Variants in CARMIL1 observed in about 807,000 individuals in gnomAD.
CARMIL1 encodes F-actin-uncapping protein LRRC16A.
CARMIL1 carries 90 observed loss-of-function variants against 177.1 expected under a neutral mutation model. That is an observed-to-expected ratio of 0.51 (90% confidence interval 0.43 to 0.61). CARMIL1 has a LOEUF of 0.61. Ranked by LOEUF, CARMIL1 falls within the 20% of genes least tolerant of loss-of-function variation. The pLI, the probability that CARMIL1 is intolerant of heterozygous loss-of-function variation, is 0.00. For missense variants in CARMIL1, 1,380 were observed against 1,667.0 expected, an observed-to-expected ratio of 0.83 and a Z score of 3.00; for synonymous variants, 577 against 606.2, an observed-to-expected ratio of 0.95 and a Z score of 0.71.
intron 29 of CARMIL1, among the ~76,000 whole-genome samples, chr6:25,572,645 A>G (rs1241796594): frequency 2.7e-5 from 4 of 148,438 alleles, no homozygotes; most frequent in Non-Finnish European, 4.5e-5. Flanking sequence ...AGGTTGGACA[A>G]TGAGCCAAGA....
intron 2 of CARMIL1, among the ~76,000 whole-genome samples, chr6:25,388,670 T>A (rs567882309): frequency 1.3e-5 from 2 of 152,198 alleles, no homozygotes; most frequent in Admixed American, 6.5e-5. Flanking sequence ...GGCCTTTTTT[T>A]ATTTTATTTT....
chr6:25,447,222 G>A (rs574919663), intron 5 of CARMIL1, among the ~76,000 whole-genome samples: 5 of 152,252 alleles, frequency 3.3e-5, no homozygotes, highest in South Asian at 4.2e-4. Context: ...ATAAAATGAG[G>A]TATGTCGGAA....
intron 2 of CARMIL1, among the ~76,000 whole-genome samples, chr6:25,360,088 G>T (rs1301549744): frequency 6.6e-6 from 1 of 152,140 alleles, no homozygotes; most frequent in Non-Finnish European, 1.5e-5. Context: ...CAGCCTCCCG[G>T]AGGGGTGGGG....
intron 8 of CARMIL1, among the ~76,000 whole-genome samples, chr6:25,464,113 C>T (rs918365092): frequency 3.9e-5 from 6 of 152,066 alleles, no homozygotes; most frequent in South Asian, 2.1e-4. Flanking sequence ...TGAGCCACTG[C>T]GCCCGGCCAG....
chr6:25,418,555 A>G (rs1192066299), intron 2 of CARMIL1, among the ~76,000 whole-genome samples: 5 of 151,570 alleles, frequency 3.3e-5, no homozygotes, highest in African/African-American at 9.7e-5. Context: ...GGTGTAAAAA[A>G]AAAAAAAGAT....
At chr6:25,568,309 AAAAGGTAAAGT>A (rs1811744780) in intron 29 of CARMIL1, among the ~76,000 whole-genome samples, 2 of 152,230 alleles carry the variant, frequency 1.3e-5, no homozygotes, top group African/African-American at 4.8e-5. Context: ...ATAGAAATTA[AAAAGGTAAAGT>A]GGGGTGAACA....
intron 2 of CARMIL1, among the ~76,000 whole-genome samples, chr6:25,378,530 A>G (rs6906187): frequency 0.054 from 8,221 of 152,242 alleles, 679 homozygotes; most frequent in African/African-American, 0.18. Flanking sequence ...CCTGTGAGGT[A>G]GGATCAGCAG....
At chr6:25,411,995 C>A (rs1001714318) in intron 2 of CARMIL1, among the ~76,000 whole-genome samples, 6 of 151,908 alleles carry the variant, frequency 3.9e-5, no homozygotes, top group African/African-American at 7.3e-5. Context: ...TCCAACCAAA[C>A]CTCTTATTTT....
intron 2 of CARMIL1, among the ~76,000 whole-genome samples, chr6:25,310,563 C>T (rs1019172780): frequency 2.6e-5 from 4 of 152,070 alleles, no homozygotes; most frequent in East Asian, 1.9e-4. Flanking sequence ...CAAATTGTGA[C>T]GTAAGAAGTA....
At chr6:25,435,018 C>T (rs1797107824) in intron 4 of CARMIL1, among the ~76,000 whole-genome samples, 2 of 152,192 alleles carry the variant, frequency 1.3e-5, no homozygotes, top group Non-Finnish European at 2.9e-5. Flanking sequence ...CATACTTACA[C>T]TACATAGCAG....
intron 35 of CARMIL1, among the ~76,000 whole-genome samples, chr6:25,608,140 T>G (rs1211721161): frequency 6.6e-6 from 1 of 152,234 alleles, no homozygotes; most frequent in African/African-American, 2.4e-5. Flanking sequence ...ATAGTTCTTA[T>G]AGAATGAATC....
chr6:25,418,782 T>C (rs537572319), intron 2 of CARMIL1, among the ~76,000 whole-genome samples: 25 of 152,246 alleles, frequency 1.6e-4, no homozygotes, highest in Admixed American at 4.6e-4. Context: ...TAAAAATTGA[T>C]CCTGTGAATA....
At chr6:25,296,167 A>C (rs1190451728) in intron 2 of CARMIL1, among the ~76,000 whole-genome samples, 1 of 152,212 alleles carries the variant, frequency 6.6e-6, no homozygotes, top group Non-Finnish European at 1.5e-5. Context: ...CTTAAGTCTC[A>C]TGGTCCTTCC....
intron 2 of CARMIL1, among the ~76,000 whole-genome samples, chr6:25,389,530 G>A (rs1317329206): frequency 6.6e-6 from 1 of 152,080 alleles, no homozygotes; most frequent in Admixed American, 6.6e-5. Context: ...GGAAGGTGTC[G>A]ATCACTTCTT....
At chr6:25,516,982 TTG>T (rs1272826623) in intron 21 of CARMIL1, among the ~76,000 whole-genome samples, 18 of 152,216 alleles carry the variant, frequency 1.2e-4, no homozygotes, top group Non-Finnish European at 1.6e-4. Flanking sequence ...TTAGCATCTT[TTG>T]TAAATAGCTT....
intron 2 of CARMIL1, among the ~76,000 whole-genome samples, chr6:25,417,151 A>G (rs1795425346): frequency 6.6e-6 from 1 of 152,182 alleles, no homozygotes; most frequent in African/African-American, 2.4e-5. Flanking sequence ...AAGGTGCTGG[A>G]TGCACTGTGG....
chr6:25,399,146 T>G (rs1455959685), intron 2 of CARMIL1, among the ~76,000 whole-genome samples: 1 of 152,228 alleles, frequency 6.6e-6, no homozygotes, highest in African/African-American at 2.4e-5. Context: ...TTTTTGATAC[T>G]TATGTAAGCG....
intron 2 of CARMIL1, among the ~76,000 whole-genome samples, chr6:25,373,549 C>CT: frequency 6.7e-6 from 1 of 149,698 alleles, no homozygotes; most frequent in East Asian, 2.0e-4. Context: ...TTTTGTATTT[C>CT]TTTTGGTTAT....
At position 25,360,496 on chromosome 6, in the gene CARMIL1, G is replaced by A. The variant is rs115706674; in HGVS notation, c.139-59618G>A. ...TGATTTCTGGAAGCCCACTGGGATC[G>A]CTGCTAAACCTTACATACTTTTTTT... is the stretch of plus-strand genomic sequence containing the variant. On this transcript the variant is annotated intron_variant, in intron 2 of 36. Coordinates refer to ENST00000329474, the MANE Select transcript of CARMIL1 (RefSeq NM_017640.6). Among the ~76,000 whole-genome samples the A allele has an allele frequency of 2.6e-3, 389 of 152,220 alleles. 1 individual carries two copies. Among genetic ancestry groups the A allele is most frequent in the African/African-American group, 8.1e-3 (335 of 41,518 alleles).
Sources: gnomAD v4.1 joint callset for allele counts (sites outside exome capture counted in the v4.1 genomes callset) on GRCh38, gnomAD v4.1.1 for gene constraint, MANE v1.5 for transcripts, NCBI Gene and HGNC (gene_info 2026-07-23, HGNC 2026-07-21) for gene names.